The following ABCB9 variants were observed in gnomAD, a reference collection of about 807,000 sequenced individuals.
The protein encoded by ABCB9 is ABC-type oligopeptide transporter ABCB9.
ABCB9 carries 36 observed loss-of-function variants against 62.0 expected under a neutral mutation model. The observed-to-expected ratio is 0.58, with a 90% CI of 0.45 to 0.77. The LOEUF (loss-of-function observed/expected upper bound fraction) is 0.77, where lower values mean the gene tolerates loss of function less well. ABCB9 is among the 30% of genes least tolerant of loss of function. The pLI is 0.00. For synonymous variants in ABCB9, 435 were observed against 461.4 expected, an observed-to-expected ratio of 0.94 and a Z score of 0.73; for missense variants, 943 against 1,054.7, an observed-to-expected ratio of 0.89 and a Z score of 1.47.
chr12:122,973,596 A>G lies in ABCB9; in HGVS notation c.-88+1119T>C, dbSNP rs1308624199. 2.6e-3 allele frequency among the ~76,000 whole-genome samples: 372 copies of G among 143,602 alleles called. 4 individuals carry two copies. The highest frequency in any genetic ancestry group is 7.6e-3 in the Middle Eastern group (2 of 264). The allele number at this position is 143,602 out of a possible 152,430, so 94.2% of individuals were successfully genotyped here. On this transcript the variant is annotated intron_variant, in intron 1 of 11. Transcript: ENST00000392439. ...AAAAAAAGAAAAAAAAAAAAAAAAA[A>G]AAAAAAAAAAAAACAAAAACTTTGG...
intron 1 of ABCB9, among the ~76,000 whole-genome samples, chr12:122,960,579 C>G (rs2036839840): frequency 6.6e-6 from 1 of 151,982 alleles, no homozygotes; most frequent in African/African-American, 2.4e-5. Context: ...AGATGACATA[C>G]TCATGCAGGA....
Position 122,930,054 on chromosome 12 carries a change from G to A in ABCB9, c.2158C>T (p.Gln720Ter). Residue 720 changes from glutamine to a stop codon, truncating the protein, a stop_gained, in exon 12 of 12, where the codon CAG becomes TAG. Transcript: ENST00000280560. LOFTEE classifies it low-confidence loss of function (END_TRUNC). The surrounding 1 kb of genome is among the most constrained non-coding windows in gnomAD (Gnocchi z 4.9). ...IVVLDKGRVV[Q>*]QGTHQQLLAQ... is the part of the protein sequence containing the mutation. The stretch of plus-strand genomic sequence containing the variant: ...AGCAGCTGCTGGTGGGTGCCCTGCT[G>A]CACTACGCGGCCCTTGTCCAGCACC... The A allele has an allele frequency of 6.4e-7, 1 of 1,569,178 alleles. No individual in the cohort carries two copies. The highest frequency in any genetic ancestry group is 1.3e-5 in the African/African-American group (1 of 74,228).
At chr12:122,921,407 C>T (rs1279085290) in intron 11 of ABCB9, among the ~76,000 whole-genome samples, 1 of 151,984 alleles carries the variant, frequency 6.6e-6, no homozygotes, top group Non-Finnish European at 1.5e-5. Context: ...AGAGCAAGAC[C>T]CTGTCTCTAA....
chr12:122,971,649 G>C (rs563903784), intron 1 of ABCB9, among the ~76,000 whole-genome samples: 9 of 152,110 alleles, frequency 5.9e-5, no homozygotes, highest in African/African-American at 1.9e-4. Flanking sequence ...ACGGGATTTT[G>C]CCATGTTGAC....
rs773940713 is a variant in ABCB9 at position 122,960,133 on chromosome 12, G to A, written c.103C>T (p.Leu35=). ...ATGTTGAAGTGGCGGATGTCCTCCA[G>A]GAGGCTGCGGTCCAGGTGGCTGAAG... ...YVFSHLDRSL[L]EDIRHFNIFD... The change falls in exon 2 of 12, where the codon CTG becomes TTG. Residue 35 remains leucine (L), a synonymous_variant. Coordinates refer to ENST00000280560, the MANE Select transcript of ABCB9 (RefSeq NM_019625.4). The A allele has an allele frequency of 6.8e-6, 11 of 1,613,636 alleles. No individual in the cohort carries two copies.
At chr12:122,953,953 A>C (rs1364161129) in intron 2 of ABCB9, among the ~76,000 whole-genome samples, 1 of 152,208 alleles carries the variant, frequency 6.6e-6, no homozygotes, top group African/African-American at 2.4e-5. Flanking sequence ...ACTGAGGCTC[A>C]GAGAGATTAA....
chr12:122,959,744 T>TGGCC lies in ABCB9; in HGVS notation c.488_491dup (p.Pro165AlafsTer51). On this transcript the variant is annotated frameshift_variant, in exon 2 of 12. Transcript: ENST00000280560. LOFTEE classifies it high-confidence loss of function. The surrounding 1 kb of genome is among the most constrained non-coding windows in gnomAD (Gnocchi z 5.4). ...TGGCCCCAGACGCCTGCTCGGGCGG[T>TGGCC]GGCCGGCCGCTCCCAGGGAAGCCCT... is the stretch of plus-strand genomic sequence containing the variant. 6.2e-7 allele frequency: 1 copy of TGGCC among 1,611,344 alleles called. No homozygotes were observed. The highest frequency in any genetic ancestry group is 8.5e-7 in the Non-Finnish European group (1 of 1,178,888).
At chr12:122,955,242 G>A (rs1221476616) in intron 2 of ABCB9, among the ~76,000 whole-genome samples, 1 of 152,176 alleles carries the variant, frequency 6.6e-6, no homozygotes, top group Non-Finnish European at 1.5e-5. Context: ...CAGTGAAGTC[G>A]GGAGCCTGAG....
chr12:122,951,791 A>C (rs1488560962), intron 2 of ABCB9: 1 of 152,174 alleles, frequency 6.6e-6, no homozygotes, highest in Admixed American at 6.6e-5. Context: ...GGAGACTCAC[A>C]GAGGCTGAGG....
At chr12:122,922,450 G>A (rs943853116) in intron 11 of ABCB9, among the ~76,000 whole-genome samples, 1 of 152,124 alleles carries the variant, frequency 6.6e-6, no homozygotes, top group African/African-American at 2.4e-5. Flanking sequence ...CACGATCTTA[G>A]CTCATTGCAA....
At position 122,960,006 on chromosome 12, in the gene ABCB9, C is replaced by T. The variant is rs773753666; in HGVS notation, c.230G>A (p.Arg77Gln). 30 of 1,613,178 alleles carry T rather than the reference C, an allele frequency of 1.9e-5. No individual in the cohort carries two copies. Among genetic ancestry groups the T allele is most frequent in the Admixed American group, 3.3e-5 (2 of 60,000 alleles). ...GVAKNSALGP[R>Q]RLRASWLVIT... ...GACCAGCCACGAGGCCCGCAGCCGC[C>T]GGGGCCCCAGCGCACTGTTCTTGGC... The change falls in exon 2 of 12, where the codon CGG becomes CAG. Residue 77 changes from arginine (R) to glutamine (Q), a missense_variant. Physicochemically the swap from Arg to Gln is conservative, Grantham distance 43. Coordinates refer to ENST00000280560, the MANE Select transcript of ABCB9 (RefSeq NM_019625.4).
At chr12:122,957,046 T>G (rs1416994540) in intron 2 of ABCB9, among the ~76,000 whole-genome samples, 3 of 152,054 alleles carry the variant, frequency 2.0e-5, no homozygotes, top group Admixed American at 2.0e-4. Context: ...CCTATTTTTT[T>G]TTTTTTCTTT....
In ABCB9 at chr12:122,964,693, G is replaced by A. The variant is rs965325804; in HGVS notation, c.-88+1594C>T. On this transcript the variant is annotated intron_variant, in intron 1 of 11. Transcript: ENST00000280560. This position sits in a 1 kb window ranked among gnomAD's most constrained non-coding sequence, Gnocchi z 4.7. ...CGCTGGGCTCGGCCAGGTGGAGCTG[G>A]AGGGCAAATTGTGAGCACATGGGTG... Among the ~76,000 whole-genome samples the A allele has an allele frequency of 3.9e-5, 6 of 152,256 alleles. No individual in the cohort carries two copies. Among genetic ancestry groups the A allele is most frequent in the Admixed American group, 2.6e-4 (4 of 15,288 alleles).
chr12:122,949,375 G>A, intron 4 of ABCB9: 1 of 192,092 alleles, frequency 5.2e-6, no homozygotes, highest in South Asian at 1.1e-4. Context: ...ACCCAGGCCG[G>A]TGTCTCTCAG....
Position 122,944,657 on chromosome 12 carries a change from G to T in ABCB9, c.1252-138C>A. Reference sequence around the variant, plus strand: ...ACTGAAATGCCGGCCGTTGGCAGGGGTGTCTTCCAAGGCTTGTCACTCATG... The same window carrying T: ...ACTGAAATGCCGGCCGTTGGCAGGGTTGTCTTCCAAGGCTTGTCACTCATG... On this transcript the variant is annotated intron_variant, in intron 6 of 11. Transcript: ENST00000280560. The surrounding 1 kb of genome is among the most constrained non-coding windows in gnomAD (Gnocchi z 4.9). 3 of 1,267,768 alleles carry T rather than the reference G, an allele frequency of 2.4e-6. No homozygotes were observed. The highest frequency in any genetic ancestry group is 1.4e-5 in the South Asian group (1 of 70,224). 78.5% of individuals were successfully genotyped at this position (1,267,768 alleles called of 1,614,324 possible). A position where few individuals can be genotyped will look rare whatever the true frequency, so the allele number is the denominator to read the frequency against.
chr12:122,929,085 A>G lies in ABCB9; in HGVS notation c.*826T>C. 8.1e-6 allele frequency: 8 copies of G among 985,948 alleles called. No individual in the cohort carries two copies. The highest frequency in any genetic ancestry group is 9.6e-6 in the Non-Finnish European group (8 of 830,068). The allele number at this position is 985,948 out of a possible 1,614,324, so 61.1% of individuals were successfully genotyped here. ...AGATCCTGGGCTTTGCCACCATCCC[A>G]TCCACCAAAGACAGAAGAGAATGCA... On this transcript the variant is annotated 3_prime_UTR_variant, in exon 12 of 12. Transcript: ENST00000280560. This position sits in a 1 kb window ranked among gnomAD's most constrained non-coding sequence, Gnocchi z 6.0.
At position 122,930,008 on chromosome 12, in the gene ABCB9, G is replaced by C. The variant is rs993187105; in HGVS notation, c.2204C>G (p.Ala735Gly). ...CAGCATCTGCCGCTGCACCAGCTTG[G>C]CGTAGAGGCCGCCCTGGGCCAGCAG... ...QQLLAQGGLY[A>G]KLVQRQMLGL... The change falls in exon 12 of 12, where the codon GCC becomes GGC. Residue 735 changes from alanine (A) to glycine (G), a missense_variant. Physicochemically the swap from Ala to Gly is moderately conservative, Grantham distance 60. Transcript: ENST00000280560. The surrounding 1 kb of genome is among the most constrained non-coding windows in gnomAD (Gnocchi z 4.9). 7 of 1,575,526 alleles carry C rather than the reference G, an allele frequency of 4.4e-6. No homozygotes were observed. The East Asian group carries it at 6.9e-5, about 16-fold the overall frequency.
At chr12:122,962,470 G>A (rs2036956228) in intron 1 of ABCB9, among the ~76,000 whole-genome samples, 1 of 152,200 alleles carries the variant, frequency 6.6e-6, no homozygotes, top group Non-Finnish European at 1.5e-5. Context: ...TGGCGCCCAG[G>A]TGCCCAAACC....
chr12:122,969,900 T>C (rs2037251245), upstream of ABCB9, among the ~76,000 whole-genome samples: 1 of 152,096 alleles, frequency 6.6e-6, no homozygotes, highest in Non-Finnish European at 1.5e-5. Flanking sequence ...GGGACTCTCA[T>C]TCATTGCTGC....
Sources: gnomAD v4.1 joint callset for allele counts (sites outside exome capture counted in the v4.1 genomes callset) on GRCh38, gnomAD v4.1.1 for gene constraint, Gnocchi (gnomAD v3.1) non-coding constraint, MANE v1.5 for transcripts, NCBI Gene and HGNC (gene_info 2026-07-23, HGNC 2026-07-21) for gene names.